EFCAB5: variants seen among roughly 807,000 people sequenced by gnomAD.
The protein encoded by EFCAB5 is EF-hand calcium-binding domain-containing protein 5.
EFCAB5 carries 131 observed loss-of-function variants against 167.9 expected under a neutral mutation model. The observed-to-expected ratio is 0.78, with a 90% CI of 0.68 to 0.90. The LOEUF (loss-of-function observed/expected upper bound fraction) is 0.90, where lower values mean the gene tolerates loss of function less well. Among genes scored for constraint, EFCAB5 ranks in the 40% least tolerant of loss-of-function variants. The pLI is 0.00. For synonymous variants in EFCAB5, 574 were observed against 602.8 expected, an observed-to-expected ratio of 0.95 and a Z score of 0.70; for missense variants, 1,663 against 1,745.2, an observed-to-expected ratio of 0.95 and a Z score of 0.84.
Position 29,986,869 on chromosome 17 carries a change from G to A in EFCAB5, c.768-6296G>A, listed in dbSNP as rs370531488. On this transcript the variant is annotated intron_variant, in intron 4 of 22. Transcript: ENST00000394835. ...TCACCGTGTTAGCCAGGATGGTCTC[G>A]ATCTCCTGACCTCGTGATCCGCCCG... is the stretch of plus-strand genomic sequence containing the variant. 4.5e-4 allele frequency among the ~76,000 whole-genome samples: 69 copies of A among 151,710 alleles called. 1 individual carries two copies. In the East Asian group the frequency reaches 0.012, roughly 26 times the overall value.
chr17:30,078,698 A>G (rs2151832368), intron 15 of EFCAB5, among the ~76,000 whole-genome samples, 194 bp downstream of exon 15: 1 of 152,318 alleles, frequency 6.6e-6, no homozygotes, highest in East Asian at 1.9e-4. Flanking sequence ...GCTGGTTGAC[A>G]AGATAGAAGC....
intron 9 of EFCAB5, among the ~76,000 whole-genome samples, chr17:30,051,601 G>C (rs1388210815): frequency 6.6e-6 from 1 of 152,096 alleles, no homozygotes; most frequent in Non-Finnish European, 1.5e-5. Flanking sequence ...TTCTCACCCA[G>C]GCTGGAGTGC....
chr17:29,933,585 T>G (rs530477457), intron 1 of EFCAB5, among the ~76,000 whole-genome samples: 7 of 152,292 alleles, frequency 4.6e-5, no homozygotes, highest in Admixed American at 2.6e-4. Flanking sequence ...CTAGTTCTAC[T>G]TAGAGCACTT....
intron 4 of EFCAB5, among the ~76,000 whole-genome samples, chr17:29,977,279 C>T (rs1178896259): frequency 6.6e-6 from 1 of 152,042 alleles, no homozygotes. Flanking sequence ...GTTACACATA[C>T]TCATATATGT....
chr17:30,026,961 CTTTTTTTTTTTTTTTTTTTTTTTTTTTT>C (rs71138868), intron 7 of EFCAB5, among the ~76,000 whole-genome samples: 3 of 64,550 alleles, frequency 4.6e-5, no homozygotes, highest in Admixed American at 2.3e-4. Context: ...CTCCTTGTAC[CTTTTTTTTTTTTTTTTTTTTTTTTTTTT>C]TTTTTTTTTT....
chr17:29,966,420 CAGG>C (rs1053840006), intron 3 of EFCAB5, among the ~76,000 whole-genome samples: 7 of 151,948 alleles, frequency 4.6e-5, no homozygotes, highest in Admixed American at 1.3e-4. Context: ...CACTTGAAGC[CAGG>C]AGTTCAAGAC....
chr17:30,008,273 T>C (rs2068816661), intron 7 of EFCAB5, among the ~76,000 whole-genome samples: 1 of 152,106 alleles, frequency 6.6e-6, no homozygotes, highest in South Asian at 2.1e-4. Flanking sequence ...ATCAAGACTA[T>C]TTTTTATATT....
At chr17:30,055,356 GGAAGGAAGGAA>G (rs2070227041) in intron 10 of EFCAB5, among the ~76,000 whole-genome samples, 1 of 150,340 alleles carries the variant, frequency 6.7e-6, no homozygotes, top group Admixed American at 6.7e-5. Flanking sequence ...AAGGAAGGAA[GGAAGGAAGGAA>G]GGAAGGAAGG....
At position 30,053,944 on chromosome 17, in the gene EFCAB5, C is replaced by T. The variant is rs1461258403; in HGVS notation, c.1990C>T (p.Gln664Ter). 6.2e-7 allele frequency: 1 copy of T among 1,613,918 alleles called. No homozygotes were observed. The highest frequency in any genetic ancestry group is 1.1e-5 in the South Asian group (1 of 91,082). ...TTATGGAGAGATAATTTCAGAAGAG[C>T]AAGAAGACATAGGCTCAACTTCACA... ...GPYGEIISEE[Q>*]EDIGSTSQSR... Residue 664 changes from glutamine (Q) to a stop codon, truncating the protein, a stop_gained, in exon 10 of 23, where the codon CAA (glutamine) becomes TAA (stop). Transcript: ENST00000394835. LOFTEE classifies it high-confidence loss of function.
At chr17:30,085,912 T>C (rs2151841771) in intron 18 of EFCAB5, among the ~76,000 whole-genome samples, 1 of 152,332 alleles carries the variant, frequency 6.6e-6, no homozygotes, top group Non-Finnish European at 1.5e-5. Context: ...ACAAAACAGC[T>C]GTTCCTCTTC....
chr17:29,987,549 C>T (rs1171740089), intron 4 of EFCAB5, among the ~76,000 whole-genome samples: 2 of 152,192 alleles, frequency 1.3e-5, no homozygotes, highest in Admixed American at 1.3e-4. Context: ...AGTATTTGGT[C>T]TTTAGGCAGG....
intron 4 of EFCAB5, among the ~76,000 whole-genome samples, chr17:29,976,585 G>A (rs183778085): frequency 1.2e-3 from 179 of 152,210 alleles, no homozygotes; most frequent in African/African-American, 4.2e-3. Context: ...AGTAAAAACA[G>A]TCCTGCTTTG....
At chr17:29,955,079 T>A (rs1265522878) in intron 3 of EFCAB5, among the ~76,000 whole-genome samples, 3 of 152,244 alleles carry the variant, frequency 2.0e-5, no homozygotes, top group Non-Finnish European at 4.4e-5. Flanking sequence ...CTTTTGATTT[T>A]ACAGGCTCAT....
chr17:30,056,185 G>C (rs749791499), intron 12 of EFCAB5, 29 bp downstream of exon 12: 2 of 1,570,058 alleles, frequency 1.3e-6, no homozygotes, highest in Non-Finnish European at 1.7e-6. Context: ...AGTAGGAATA[G>C]ATGGCAGTCC....
chr17:29,974,481 T>C (rs2068024470), intron 4 of EFCAB5, among the ~76,000 whole-genome samples: 1 of 151,272 alleles, frequency 6.6e-6, no homozygotes. Flanking sequence ...AGATCAAGAC[T>C]GCAGTGAGCT....
At chr17:30,051,301 A>C in intron 9 of EFCAB5, 84 bp downstream of exon 9, 8 of 1,124,152 alleles carry the variant, frequency 7.1e-6, no homozygotes, top group Non-Finnish European at 1.0e-5. Flanking sequence ...TGATATGTTA[A>C]CACAAGATTA....
intron 14 of EFCAB5, among the ~76,000 whole-genome samples, chr17:30,062,294 G>C (rs539099833): frequency 6.6e-6 from 1 of 152,262 alleles, no homozygotes; most frequent in African/African-American, 2.4e-5. Flanking sequence ...ATCCTGGTGA[G>C]CCCAGAAACT....
chr17:29,986,841 G>T (rs1001259165), intron 4 of EFCAB5, among the ~76,000 whole-genome samples: 3 of 151,298 alleles, frequency 2.0e-5, no homozygotes, highest in Non-Finnish European at 3.0e-5. Context: ...TAGAGACAGG[G>T]TTTCACCGTG....
At chr17:30,057,613 T>C in intron 12 of EFCAB5, 63 bp from the exon 13 acceptor site, 2 of 1,436,822 alleles carry the variant, frequency 1.4e-6, no homozygotes, top group South Asian at 1.2e-5. Context: ...TAGGCACTCA[T>C]TTATTTTCCC....
Sources: allele counts gnomAD v4.1 joint callset (sites outside exome capture counted in the v4.1 genomes callset), GRCh38; gene constraint gnomAD v4.1.1; transcripts MANE v1.5; gene names NCBI Gene and HGNC (gene_info 2026-07-23, HGNC 2026-07-21).